NTRK3: variants seen among roughly 807,000 people sequenced by gnomAD.
NTRK3 encodes the protein NT-3 growth factor receptor.
NTRK3 carries 24 observed loss-of-function variants against 91.7 expected under a neutral mutation model. The observed-to-expected ratio is 0.26, with a 90% CI of 0.19 to 0.37. The LOEUF is 0.37. NTRK3 is among the 10% of genes least tolerant of loss of function. The probability of loss-of-function intolerance (pLI) is 1.00; values close to 1 mark genes in which losing one functional copy is unlikely to be tolerated. For synonymous variants in NTRK3, 483 were observed against 404.0 expected, an observed-to-expected ratio of 1.20 and a Z score of -2.34; for missense variants, 880 against 1,068.9, an observed-to-expected ratio of 0.82 and a Z score of 2.46.
intron 14 of NTRK3, among the ~76,000 whole-genome samples, chr15:88,010,066 T>C (rs548495294): frequency 5.3e-5 from 8 of 152,308 alleles, no homozygotes; most frequent in Admixed American, 3.9e-4. Flanking sequence ...TCAGTGGCCA[T>C]GTTGTCCATT....
At chr15:87,944,389 G>A (rs138767304) in intron 14 of NTRK3, among the ~76,000 whole-genome samples, 3 of 152,192 alleles carry the variant, frequency 2.0e-5, no homozygotes, top group Admixed American at 6.5e-5. Flanking sequence ...TAACTTGCAC[G>A]CTATGTATTC....
chr15:88,092,541 G>A (rs1046661439), intron 13 of NTRK3, among the ~76,000 whole-genome samples: 5 of 152,204 alleles, frequency 3.3e-5, no homozygotes, highest in African/African-American at 1.2e-4. Context: ...CTGGCCAGAG[G>A]TTTGTCCCAA....
chr15:88,009,647 G>A (rs1232277487), intron 14 of NTRK3, among the ~76,000 whole-genome samples: 6 of 152,294 alleles, frequency 3.9e-5, no homozygotes, highest in African/African-American at 1.2e-4. Flanking sequence ...TCCTGCTGCT[G>A]TTTTGCAACC....
At chr15:87,961,147 G>A (rs889839970) in intron 14 of NTRK3, among the ~76,000 whole-genome samples, 21 of 152,152 alleles carry the variant, frequency 1.4e-4, no homozygotes, top group African/African-American at 5.1e-4. Context: ...ACAGACATAG[G>A]TATGATCAGG....
At chr15:88,216,940 A>T (rs375137059) in intron 3 of NTRK3, among the ~76,000 whole-genome samples, 1 of 152,198 alleles carries the variant, frequency 6.6e-6, no homozygotes, top group East Asian at 1.9e-4. Context: ...CCAGGGACTG[A>T]ACTGAACTCA....
intron 3 of NTRK3, among the ~76,000 whole-genome samples, chr15:88,201,977 T>C (rs1308373498): frequency 1.3e-5 from 2 of 151,936 alleles, no homozygotes; most frequent in African/African-American, 4.8e-5. Flanking sequence ...TTCTTTGTCA[T>C]AGATGGTGCC....
At chr15:87,944,820 G>A (rs2070284691) in intron 14 of NTRK3, among the ~76,000 whole-genome samples, 1 of 152,220 alleles carries the variant, frequency 6.6e-6, no homozygotes, top group African/African-American at 2.4e-5. Context: ...GCGGGAGGAA[G>A]AGCCTCTGCT....
chr15:88,196,279 G>A (rs373298287), intron 3 of NTRK3, among the ~76,000 whole-genome samples: 29 of 152,336 alleles, frequency 1.9e-4, no homozygotes, highest in African/African-American at 7.0e-4. Flanking sequence ...AGTGTGATTA[G>A]TCAAGGTAAG....
Position 87,951,698 on chromosome 15 carries a change from T to G in NTRK3, c.1586-10945A>C, listed in dbSNP as rs116859827. On this transcript the variant is annotated intron_variant, in intron 14 of 18. Coordinates refer to ENST00000394480, the Ensembl canonical transcript of NTRK3. The stretch of plus-strand genomic sequence containing the variant: ...TGGAAAAGCCTAACTTTACTCTTGC[T>G]TAAAGCAGAAGGCTCAGACACCAGA... 4.4e-4 allele frequency among the ~76,000 whole-genome samples: 67 copies of G among 152,298 alleles called. No individual in the cohort carries two copies. In the East Asian group the frequency reaches 0.012, roughly 27 times the overall value.
At chr15:87,949,225 T>G (rs2070859860) in intron 14 of NTRK3, among the ~76,000 whole-genome samples, 1 of 152,126 alleles carries the variant, frequency 6.6e-6, no homozygotes, top group South Asian at 2.1e-4. Flanking sequence ...AGGAAGTTCC[T>G]AAGAACAGAC....
chr15:88,005,424 G>C (rs911834102), intron 14 of NTRK3, among the ~76,000 whole-genome samples: 1 of 152,088 alleles, frequency 6.6e-6, no homozygotes, highest in Non-Finnish European at 1.5e-5. Context: ...TTTGTCAATG[G>C]GTCCAGCAAA....
Position 88,199,710 on chromosome 15 carries a change from GT to G in NTRK3, c.249-15412del, listed in dbSNP as rs528148041. On this transcript the variant is annotated intron_variant, in intron 3 of 18. Transcript: ENST00000394480. ...AAACCTCAAGGTCAAAGTGGTGTCT[GT>G]GCCCTTAACTCCAGCACCGGGGAAA... Among the ~76,000 whole-genome samples the G allele has an allele frequency of 7.2e-5, 11 of 152,340 alleles. No homozygotes were observed. In the South Asian group the frequency reaches 2.3e-3, roughly 32 times the overall value.
chr15:87,950,068 T>C (rs1442396844), intron 14 of NTRK3, among the ~76,000 whole-genome samples: 2 of 152,208 alleles, frequency 1.3e-5, no homozygotes, highest in Non-Finnish European at 2.9e-5. Context: ...CCTTGGCCTC[T>C]CATTCCTGGC....
At chr15:88,220,634 G>T (rs1015503280) in intron 3 of NTRK3, among the ~76,000 whole-genome samples, 3 of 152,184 alleles carry the variant, frequency 2.0e-5, no homozygotes, top group East Asian at 1.9e-4. Context: ...CAAGAGGAAG[G>T]CCCCTTTCCA....
At chr15:88,202,674 C>T (rs1019899856) in intron 3 of NTRK3, among the ~76,000 whole-genome samples, 12 of 152,194 alleles carry the variant, frequency 7.9e-5, no homozygotes, top group African/African-American at 2.9e-4. Context: ...TCAAGCCCAT[C>T]TCCTCACCAT....
intron 13 of NTRK3, among the ~76,000 whole-genome samples, chr15:88,056,423 T>C (rs1258172786): frequency 6.6e-6 from 1 of 151,946 alleles, no homozygotes. Flanking sequence ...ATGTAGAAAA[T>C]TAAGTACAGT....
In NTRK3 at chr15:88,137,303, G is replaced by A. The variant is rs551798674; in HGVS notation, c.622+101C>T. 6.9e-5 allele frequency: 99 copies of A among 1,427,258 alleles called. 2 individuals carry two copies. The South Asian group carries it at 8.6e-4, about 12-fold the overall frequency. 88.4% of individuals were successfully genotyped at this position (1,427,258 alleles called of 1,614,324 possible). On this transcript the variant is annotated intron_variant, in intron 7 of 18. Transcript: ENST00000394480. The stretch of plus-strand genomic sequence containing the variant: ...GAGTTCAAGGCTGGGAGGGCGTTTC[G>A]AAAGGAAGGCTCTGGCATCCCAAGG...
rs202243486 is a variant in NTRK3 at position 88,018,346 on chromosome 15, CAA to C, written c.1585+14509_1585+14510del. Among the ~76,000 whole-genome samples, 31 of 152,274 alleles carry C rather than the reference CAA, an allele frequency of 2.0e-4. 1 individual carries two copies. In the East Asian group the frequency reaches 5.8e-3, roughly 28 times the overall value. On this transcript the variant is annotated intron_variant, in intron 14 of 18. Transcript: ENST00000394480. ...AAACTGGTATCTGTCTGAAAGTCTCCAAGATCTCCCAAAAGGTGGGGGTGTGG... is the reference window on the plus strand; with the variant it reads ...AAACTGGTATCTGTCTGAAAGTCTCCGATCTCCCAAAAGGTGGGGGTGTGG...
chr15:88,178,940 G>A (rs550307601), intron 5 of NTRK3, among the ~76,000 whole-genome samples: 123 of 152,262 alleles, frequency 8.1e-4, no homozygotes, highest in South Asian at 3.9e-3. Flanking sequence ...GAGAAAAAAC[G>A]CTCCTGGGAC....
Sources: gnomAD v4.1 joint callset for allele counts (sites outside exome capture counted in the v4.1 genomes callset) on GRCh38, gnomAD v4.1.1 for gene constraint, MANE v1.5 for transcripts, NCBI Gene and HGNC (gene_info 2026-07-23, HGNC 2026-07-21) for gene names.